Variants in C12orf56 observed in about 807,000 individuals in gnomAD.
C12orf56 encodes the protein uncharacterized protein C12orf56.
A neutral mutation model predicts 69.9 loss-of-function variants in C12orf56; 71 were observed. The observed-to-expected ratio is 1.02, with a 90% CI of 0.84 to 1.24. C12orf56 has a LOEUF of 1.24. Ranked by LOEUF, C12orf56 falls within the 50% of genes most tolerant of loss-of-function variation. The pLI, the probability that C12orf56 is intolerant of heterozygous loss-of-function variation, is 0.00. For missense variants in C12orf56, 732 were observed against 738.5 expected, an observed-to-expected ratio of 0.99 and a Z score of 0.10; for synonymous variants, 276 against 274.1, an observed-to-expected ratio of 1.01 and a Z score of -0.07.
intron 8 of C12orf56, among the ~76,000 whole-genome samples, chr12:64,283,687 TC>T (rs1383479577): frequency 2.6e-5 from 4 of 151,858 alleles, no homozygotes; most frequent in Admixed American, 2.6e-4. Flanking sequence ...GCCCTCTATT[TC>T]TCTTTCTGCT....
At chr12:64,374,551 T>C (rs573018923) in intron 1 of C12orf56, among the ~76,000 whole-genome samples, 3 of 152,144 alleles carry the variant, frequency 2.0e-5, no homozygotes, top group Non-Finnish European at 2.9e-5. Flanking sequence ...CTTTTTTTTT[T>C]CTTTTTTTTT....
At chr12:64,287,258 A>AGAAGAAGAAGAAGAAGAAGAAGAAG (rs566773723) in intron 6 of C12orf56, among the ~76,000 whole-genome samples, 101 of 132,242 alleles carry the variant, frequency 7.6e-4, no homozygotes, top group African/African-American at 2.7e-3. Context: ...AAAAAAAAAA[A>AGAAGAAGAAGAAGAAGAAGAAGAAG]AAAAAGAAGA....
rs574935349 is a variant in C12orf56 at position 64,352,657 on chromosome 12, A to G, written c.415+237T>C. 5.9e-5 allele frequency among the ~76,000 whole-genome samples: 9 copies of G among 152,184 alleles called. 1 individual carries two copies. Among genetic ancestry groups the G allele is most frequent in the Non-Finnish European group, 1.0e-4 (7 of 68,012 alleles). On this transcript the variant is annotated intron_variant, in intron 2 of 12. Coordinates refer to ENST00000543942, the MANE Select transcript of C12orf56 (RefSeq NM_001170633.2). ...CTTGCATGTGGCAGACTGATATTCA[A>G]TCTGTGAGGTGAGAGCCAGTTGGCC...
At chr12:64,330,144 A>C (rs1444449344) in intron 3 of C12orf56, among the ~76,000 whole-genome samples, 2 of 152,166 alleles carry the variant, frequency 1.3e-5, no homozygotes, top group Non-Finnish European at 2.9e-5. Context: ...TTCCACCAAC[A>C]GTGTAAAAGT....
At chr12:64,328,801 C>T (rs1386142009) in intron 3 of C12orf56, among the ~76,000 whole-genome samples, 3 of 147,470 alleles carry the variant, frequency 2.0e-5, no homozygotes, top group African/African-American at 5.0e-5. Flanking sequence ...TGCAGTGGCT[C>T]ACGACTGTAA....
At chr12:64,366,227 A>ATG (rs1232042179) in intron 1 of C12orf56, among the ~76,000 whole-genome samples, 1,494 of 50,472 alleles carry the variant, frequency 0.03, 578 homozygotes, top group Middle Eastern at 0.056. Context: ...TTTATATATT[A>ATG]TATATAATAT....
At chr12:64,282,057 G>A (rs10784394) in intron 8 of C12orf56, among the ~76,000 whole-genome samples, 107,053 of 152,138 alleles carry the variant, frequency 0.7, 38,850 homozygotes, top group Non-Finnish European at 0.8. Flanking sequence ...ACTACCAATC[G>A]CATAAAGAAG....
chr12:64,267,518 TG>T, intron 12 of C12orf56: 1 of 533,652 alleles, frequency 1.9e-6, no homozygotes, highest in South Asian at 2.2e-5. Context: ...AGAAAATCTC[TG>T]ACATGTGGAC....
intron 6 of C12orf56, among the ~76,000 whole-genome samples, chr12:64,296,369 G>A (rs2038364842): frequency 6.6e-6 from 1 of 152,148 alleles, no homozygotes; most frequent in Non-Finnish European, 1.5e-5. Flanking sequence ...TTTCCCTGTT[G>A]GGTTTTGGAC....
intron 11 of C12orf56, among the ~76,000 whole-genome samples, chr12:64,274,391 G>C (rs769018369): frequency 2.0e-5 from 3 of 152,182 alleles, no homozygotes; most frequent in Non-Finnish European, 2.9e-5. Context: ...AAGAGTTATT[G>C]AGAGATTTGA....
intron 5 of C12orf56, among the ~76,000 whole-genome samples, chr12:64,310,988 A>G (rs10878145): frequency 0.99 from 149,859 of 152,052 alleles, 73,887 homozygotes; most frequent in Middle Eastern, 1. Context: ...TCGTCCCTGC[A>G]ATAGTTTGCT....
At chr12:64,284,796 A>G in intron 7 of C12orf56, 43 bp from the exon 8 acceptor site, 1 of 1,433,532 alleles carries the variant, frequency 7.0e-7, no homozygotes, top group Non-Finnish European at 9.5e-7. Context: ...GCATGATTTC[A>G]TTAGAAGCTC....
intron 2 of C12orf56, among the ~76,000 whole-genome samples, chr12:64,350,588 G>T (rs1347475463): frequency 6.6e-6 from 1 of 152,092 alleles, no homozygotes; most frequent in African/African-American, 2.4e-5. Flanking sequence ...CCCCATACAG[G>T]GTTCCTAATT....
chr12:64,304,972 T>C (rs891295017), intron 5 of C12orf56, among the ~76,000 whole-genome samples: 4 of 152,182 alleles, frequency 2.6e-5, no homozygotes, highest in Admixed American at 6.5e-5. Flanking sequence ...TTTTTACCAC[T>C]TACTCCAGTA....
At chr12:64,270,799 A>G (rs2037977861) in intron 11 of C12orf56, 85 bp from the exon 12 acceptor site, 5 of 1,140,226 alleles carry the variant, frequency 4.4e-6, no homozygotes, top group Non-Finnish European at 5.0e-6. Context: ...CTACAAATCT[A>G]GACTGAGGCC....
intron 5 of C12orf56, among the ~76,000 whole-genome samples, chr12:64,305,228 T>C (rs1351737909): frequency 2.0e-5 from 3 of 152,176 alleles, no homozygotes; most frequent in Non-Finnish European, 4.4e-5. Flanking sequence ...ATAATGATTA[T>C]GAAAATGAAG....
chr12:64,371,192 A>C (rs1488853311), intron 1 of C12orf56, among the ~76,000 whole-genome samples: 1 of 152,130 alleles, frequency 6.6e-6, no homozygotes, highest in East Asian at 1.9e-4. Context: ...ATCTGAGGTC[A>C]GGAGTTTGAG....
At position 64,383,470 on chromosome 12, in the gene C12orf56, G is replaced by C. The variant is rs544667004; in HGVS notation, c.252+6844C>G. Among the ~76,000 whole-genome samples the C allele has an allele frequency of 3.9e-5, 6 of 152,078 alleles. No individual in the cohort carries two copies. The South Asian group carries it at 1.2e-3, about 32-fold the overall frequency. ...TGGCTCACTGCAACCTCCACCTCCC[G>C]GGTTCAAGCAATTCTCCTGTCTCAG... On this transcript the variant is annotated intron_variant, in intron 1 of 12. Coordinates refer to ENST00000543942, the MANE Select transcript of C12orf56 (RefSeq NM_001170633.2).
At chr12:64,350,423 T>C (rs1344060273) in intron 2 of C12orf56, among the ~76,000 whole-genome samples, 2 of 152,186 alleles carry the variant, frequency 1.3e-5, no homozygotes, top group African/African-American at 2.4e-5. Context: ...TTAAAAAAAA[T>C]CTATTTTCTT....
Sources: allele counts gnomAD v4.1 joint callset (sites outside exome capture counted in the v4.1 genomes callset), GRCh38; gene constraint gnomAD v4.1.1; transcripts MANE v1.5; gene names NCBI Gene and HGNC (gene_info 2026-07-23, HGNC 2026-07-21).